SLC30A9: variants seen among roughly 807,000 people sequenced by gnomAD.
SLC30A9 encodes the protein solute carrier family 30 member 9.
Under a neutral mutation model 87.5 loss-of-function variants are expected in SLC30A9, and 58 were observed. That is an observed-to-expected ratio of 0.66 (90% confidence interval 0.54 to 0.82). The LOEUF (loss-of-function observed/expected upper bound fraction) is 0.82, where lower values mean the gene tolerates loss of function less well. Ranked by LOEUF, SLC30A9 falls within the 40% of genes least tolerant of loss-of-function variation. The probability of loss-of-function intolerance (pLI) is 0.00; values close to 1 mark genes in which losing one functional copy is unlikely to be tolerated. For missense variants in SLC30A9, 557 were observed against 679.1 expected, an observed-to-expected ratio of 0.82 and a Z score of 2.00; for synonymous variants, 234 against 233.0, an observed-to-expected ratio of 1.00 and a Z score of -0.04.
At chr4:42,033,933 A>G (rs1716566177) in intron 6 of SLC30A9, among the ~76,000 whole-genome samples, 2 of 152,094 alleles carry the variant, frequency 1.3e-5, no homozygotes. Flanking sequence ...GTAAATAGAG[A>G]CATTTCTTCA....
chr4:42,029,542 G>C, intron 6 of SLC30A9: 1 of 682,502 alleles, frequency 1.5e-6, no homozygotes, highest in East Asian at 2.6e-5. Flanking sequence ...TAGGTTCCTG[G>C]AAAAGTACAA....
At chr4:42,084,392 G>GTAT (rs575134017) in intron 17 of SLC30A9, among the ~76,000 whole-genome samples, 68 of 152,076 alleles carry the variant, frequency 4.5e-4, no homozygotes, top group Non-Finnish European at 8.5e-4. Flanking sequence ...CCTTCTCACA[G>GTAT]TATTAATATG....
chr4:42,044,506 G>A (rs1292843674), intron 8 of SLC30A9, among the ~76,000 whole-genome samples: 2 of 151,526 alleles, frequency 1.3e-5, no homozygotes, highest in Non-Finnish European at 1.5e-5. Context: ...AATGCAACAA[G>A]AAGAGCTAAC....
At chr4:42,045,081 T>A (rs900923620) in intron 8 of SLC30A9, among the ~76,000 whole-genome samples, 1 of 152,154 alleles carries the variant, frequency 6.6e-6, no homozygotes, top group African/African-American at 2.4e-5. Flanking sequence ...GGGAAATTTA[T>A]AGCACTAAAT....
At chr4:42,053,032 G>A (rs142754907) in intron 9 of SLC30A9, among the ~76,000 whole-genome samples, 1 of 148,620 alleles carries the variant, frequency 6.7e-6, no homozygotes, top group Non-Finnish European at 1.5e-5. Flanking sequence ...ATGAGAACCA[G>A]TTTTTTCCCC....
At chr4:42,018,489 T>C in intron 3 of SLC30A9, 2 of 1,145,852 alleles carry the variant, frequency 1.7e-6, no homozygotes, top group Non-Finnish European at 2.2e-6. Flanking sequence ...TTTCAGCTAC[T>C]GCTTATTCAA....
chr4:42,004,919 G>T (rs1433527866), intron 2 of SLC30A9, among the ~76,000 whole-genome samples: 1 of 152,012 alleles, frequency 6.6e-6, no homozygotes, highest in Non-Finnish European at 1.5e-5. Flanking sequence ...CTTCCAAAGT[G>T]CTGGGATTAC....
At chr4:42,035,411 G>T in intron 7 of SLC30A9, 78 bp downstream of exon 7, 1 of 1,498,848 alleles carries the variant, frequency 6.7e-7, no homozygotes, top group Non-Finnish European at 9.1e-7. Flanking sequence ...TAAAATTCTA[G>T]CATGTCTGTG....
intron 1 of SLC30A9, among the ~76,000 whole-genome samples, chr4:41,994,999 T>C (rs530871291): frequency 6.6e-6 from 1 of 152,238 alleles, no homozygotes; most frequent in African/African-American, 2.4e-5. Flanking sequence ...GGCTCACACC[T>C]GTAATCCCAG....
chr4:42,000,125 A>G (rs1486453389), intron 1 of SLC30A9, among the ~76,000 whole-genome samples: 2 of 152,118 alleles, frequency 1.3e-5, no homozygotes, highest in Non-Finnish European at 2.9e-5. Context: ...AAAATCTAGC[A>G]TCAAGTCATG....
chr4:42,049,267 A>G (rs1442134700), intron 8 of SLC30A9, 110 bp from the exon 9 acceptor site: 2 of 590,006 alleles, frequency 3.4e-6, no homozygotes, highest in East Asian at 5.7e-5. Flanking sequence ...TGCTTAGCCT[A>G]ATTTTACTTT....
In SLC30A9 at chr4:41,990,567, A is replaced by T. The variant is rs1262872896; in HGVS notation, c.-85A>T. The T allele has an allele frequency of 7.9e-6, 6 of 763,934 alleles. No homozygotes were observed. Among genetic ancestry groups the T allele is most frequent in the Non-Finnish European group, 1.3e-5 (6 of 476,146 alleles). The allele number at this position is 763,934 out of a possible 1,614,324, so 47.3% of individuals were successfully genotyped here. On this transcript the variant is annotated 5_prime_UTR_variant, in exon 1 of 18. An upstream start codon of the reference 5' UTR is lost. Coordinates refer to ENST00000264451, the MANE Select transcript of SLC30A9 (RefSeq NM_006345.4). ...GCGGCGAAGCCATCGGTGTTCGCTG[A>T]TGTCCAGTCTATGGAGTCAGTTGGT...
intron 13 of SLC30A9, 86 bp from the exon 14 acceptor site, chr4:42,066,999 A>T: frequency 1.3e-6 from 1 of 781,646 alleles, no homozygotes; most frequent in Non-Finnish European, 2.2e-6. Context: ...TCTTGATTTT[A>T]AATGGATACT....
rs1009908469 is a variant in SLC30A9, at chr4:42,037,237, T to G, written c.670-1749T>G. Reference sequence around the variant, plus strand: ...ATCCTGTTTGCAAAAATTAAATGCCTTCTTTTTTTTTTTTTTTTTTTTTTT... The same window carrying G: ...ATCCTGTTTGCAAAAATTAAATGCCGTCTTTTTTTTTTTTTTTTTTTTTTT... On this transcript the variant is annotated intron_variant, in intron 7 of 17. Transcript: ENST00000264451. Among the ~76,000 whole-genome samples the G allele has an allele frequency of 1.4e-4, 11 of 77,140 alleles. No individual in the cohort carries two copies. The South Asian group carries it at 4.1e-3, about 29-fold the overall frequency. The allele number at this position is 77,140 out of a possible 152,430, so 50.6% of individuals were successfully genotyped here.
chr4:41,993,967 G>A (rs1377064577), intron 1 of SLC30A9, among the ~76,000 whole-genome samples: 1 of 152,104 alleles, frequency 6.6e-6, no homozygotes, highest in Non-Finnish European at 1.5e-5. Flanking sequence ...GACCAGCCTG[G>A]CCAACATGGT....
In SLC30A9 at chr4:42,040,033, A is replaced by G. The variant is rs894876594; in HGVS notation, c.737+980A>G. 3.9e-5 allele frequency among the ~76,000 whole-genome samples: 6 copies of G among 152,346 alleles called. No homozygotes were observed. In the East Asian group the frequency reaches 9.6e-4, roughly 24 times the overall value. ...AAGGAATAATGCTGTCATAACTACAATAGTGGTGGTACAGATAGACGTAGA... is the reference window on the plus strand; with the variant it reads ...AAGGAATAATGCTGTCATAACTACAGTAGTGGTGGTACAGATAGACGTAGA... On this transcript the variant is annotated intron_variant, in intron 8 of 17. Transcript: ENST00000264451.
At chr4:41,992,815 A>G (rs1233428160) in intron 1 of SLC30A9, among the ~76,000 whole-genome samples, 1 of 152,238 alleles carries the variant, frequency 6.6e-6, no homozygotes, top group Non-Finnish European at 1.5e-5. Context: ...AATCATTTAG[A>G]AAAAGAGTAC....
intron 4 of SLC30A9, among the ~76,000 whole-genome samples, chr4:42,021,780 C>T (rs1332335264): frequency 6.6e-6 from 1 of 151,762 alleles, no homozygotes; most frequent in Non-Finnish European, 1.5e-5. Flanking sequence ...GACAGGGTCT[C>T]ACTCTGCTGC....
intron 15 of SLC30A9, among the ~76,000 whole-genome samples, chr4:42,074,547 G>A (rs886326202): frequency 9.2e-5 from 14 of 152,130 alleles, no homozygotes; most frequent in African/African-American, 3.1e-4. Context: ...GGAGGCAAAA[G>A]GGTATGATGC....
Sources: gnomAD v4.1 joint callset for allele counts (sites outside exome capture counted in the v4.1 genomes callset) on GRCh38, gnomAD v4.1.1 for gene constraint, MANE v1.5 for transcripts, NCBI Gene and HGNC (gene_info 2026-07-23, HGNC 2026-07-21) for gene names.